The following KALRN variants were observed in gnomAD, a reference collection of about 807,000 sequenced individuals.
The protein encoded by KALRN is kalirin RhoGEF kinase, also known as kalirin.
In KALRN, 70 loss-of-function variants were observed where a neutral mutation model predicts 353.7. That is an observed-to-expected ratio of 0.20 (90% CI 0.16 to 0.24). KALRN has a LOEUF of 0.24. Ranked by LOEUF, KALRN falls within the 10% of genes least tolerant of loss-of-function variation. The probability of loss-of-function intolerance (pLI) is 1.00; values close to 1 mark genes in which losing one functional copy is unlikely to be tolerated. For synonymous variants in KALRN, 1,391 were observed against 1,434.8 expected (o/e 0.97, Z 0.69); for missense variants, 2,791 against 3,756.7 (o/e 0.74, Z 6.72).
At chr3:124,084,255 A>T (rs1400461252) in intron 1 of KALRN, among the ~76,000 whole-genome samples, 1 of 152,154 alleles carries the variant, frequency 6.6e-6, no homozygotes, top group Non-Finnish European at 1.5e-5. Context: ...CTTTCCTTCC[A>T]GTTTGTAAAT....
chr3:124,690,660 C>A (rs2061765198), intron 51 of KALRN, among the ~76,000 whole-genome samples: 1 of 152,228 alleles, frequency 6.6e-6, no homozygotes, highest in Non-Finnish European at 1.5e-5. Context: ...AGTCCTCTGT[C>A]ACTGTGATCT....
intron 23 of KALRN, among the ~76,000 whole-genome samples, chr3:124,459,079 A>G (rs1447039639): frequency 2.0e-5 from 3 of 152,250 alleles, no homozygotes; most frequent in Non-Finnish European, 2.9e-5. Context: ...GTTGAGGGAT[A>G]TACCACTGGG....
intron 1 of KALRN, among the ~76,000 whole-genome samples, chr3:124,056,506 A>C (rs1317570907): frequency 6.6e-6 from 1 of 152,196 alleles, no homozygotes; most frequent in African/African-American, 2.4e-5. Context: ...ATAAAGTGAA[A>C]GTGCTGAAAT....
intron 1 of KALRN, among the ~76,000 whole-genome samples, chr3:124,077,775 C>G (rs2060334849): frequency 6.6e-6 from 1 of 152,238 alleles, no homozygotes; most frequent in Non-Finnish European, 1.5e-5. Flanking sequence ...CTCAAAGTAG[C>G]TCCCATTGGA....
At chr3:124,134,259 A>G (rs2065661693) in intron 1 of KALRN, among the ~76,000 whole-genome samples, 1 of 152,218 alleles carries the variant, frequency 6.6e-6, no homozygotes, top group Non-Finnish European at 1.5e-5. Flanking sequence ...TTGACAAAGC[A>G]AACAAAAACA....
At chr3:124,647,978 C>T (rs554119357) in intron 37 of KALRN, among the ~76,000 whole-genome samples, 100 of 152,330 alleles carry the variant, frequency 6.6e-4, no homozygotes, top group African/African-American at 2.4e-3. Context: ...TGCTCTATCC[C>T]CATGTACCTT....
intron 1 of KALRN, among the ~76,000 whole-genome samples, chr3:124,127,185 T>C (rs1920630): frequency 0.38 from 57,352 of 152,008 alleles, 11,220 homozygotes; most frequent in African/African-American, 0.48. Flanking sequence ...ACTCTATTGC[T>C]TCTCCATATT....
At chr3:124,207,150 G>C (rs1186979446) in intron 1 of KALRN, among the ~76,000 whole-genome samples, 1 of 152,242 alleles carries the variant, frequency 6.6e-6, no homozygotes, top group African/African-American at 2.4e-5. Flanking sequence ...GAGTTTGCAA[G>C]TTGGGGGAGA....
At chr3:124,533,597 A>G (rs2068251085) in intron 33 of KALRN, among the ~76,000 whole-genome samples, 1 of 152,184 alleles carries the variant, frequency 6.6e-6, no homozygotes, top group African/African-American at 2.4e-5. Context: ...GTGAGCCAAG[A>G]TCGCACCACT....
chr3:124,518,684 G>A (rs963429821), intron 33 of KALRN: 9 of 1,426,146 alleles, frequency 6.3e-6, no homozygotes, highest in Non-Finnish European at 8.2e-6. Flanking sequence ...GGTGCAATTC[G>A]AGGTTGCTGA....
intron 9 of KALRN, among the ~76,000 whole-genome samples, chr3:124,344,845 A>T (rs534554530): frequency 1.3e-5 from 2 of 152,234 alleles, no homozygotes; most frequent in Non-Finnish European, 2.9e-5. Context: ...ACTAAGTGTC[A>T]CTAAAAATAA....
chr3:124,341,486 G>A (rs1328876945), intron 9 of KALRN, among the ~76,000 whole-genome samples: 1 of 152,184 alleles, frequency 6.6e-6, no homozygotes, highest in Non-Finnish European at 1.5e-5. Context: ...GCATACAAAT[G>A]GTGAAAAACC....
chr3:124,338,253 G>A (rs572758818), intron 9 of KALRN, among the ~76,000 whole-genome samples: 10 of 152,156 alleles, frequency 6.6e-5, no homozygotes, highest in South Asian at 2.1e-4. Flanking sequence ...GATCTTTCCC[G>A]CTTTCTCCTG....
intron 34 of KALRN, among the ~76,000 whole-genome samples, chr3:124,592,763 G>T (rs2149374795): frequency 6.6e-6 from 1 of 152,326 alleles, no homozygotes; most frequent in Non-Finnish European, 1.5e-5. Context: ...ATGACTAATA[G>T]AGCATATCTT....
At chr3:124,574,632 G>A (rs919929772) in intron 34 of KALRN, among the ~76,000 whole-genome samples, 5 of 152,176 alleles carry the variant, frequency 3.3e-5, no homozygotes, top group African/African-American at 1.2e-4. Flanking sequence ...TAGAGAGGAG[G>A]TTACCCCAGC....
intron 13 of KALRN, among the ~76,000 whole-genome samples, chr3:124,401,767 C>T (rs570561006): frequency 2.0e-5 from 3 of 152,266 alleles, no homozygotes; most frequent in East Asian, 3.9e-4. Context: ...GAGAATGCTA[C>T]ATCTAATCTT....
chr3:124,510,835 T>C (rs2065825128), intron 33 of KALRN, among the ~76,000 whole-genome samples: 2 of 152,338 alleles, frequency 1.3e-5, no homozygotes, highest in South Asian at 4.1e-4. Flanking sequence ...TCTTCAACAA[T>C]AGTTTTTGTT....
intron 34 of KALRN, among the ~76,000 whole-genome samples, chr3:124,628,468 T>C (rs2080329195): frequency 1.1e-5 from 1 of 93,674 alleles, no homozygotes; most frequent in Non-Finnish European, 2.2e-5. Context: ...CTCCTTCCCT[T>C]CCTTCCCTTC....
At chr3:124,053,317 A>G (rs547883054) in intron 1 of KALRN, among the ~76,000 whole-genome samples, 4 of 152,218 alleles carry the variant, frequency 2.6e-5, no homozygotes, top group Non-Finnish European at 5.9e-5. Flanking sequence ...AAAATTGGAG[A>G]TAGGAATTCT....
Sources: gnomAD v4.1 joint callset for allele counts (sites outside exome capture counted in the v4.1 genomes callset) on GRCh38, gnomAD v4.1.1 for gene constraint, MANE v1.5 for transcripts, NCBI Gene and HGNC (gene_info 2026-07-23, HGNC 2026-07-21) for gene names.